The following NOL4 variants were observed in gnomAD, a reference collection of about 807,000 sequenced individuals.
NOL4 encodes the protein cancer/testis antigen 125.
In NOL4, 17 loss-of-function variants were observed where a neutral mutation model predicts 75.9. The ratio of observed to expected loss-of-function variants is 0.22; its 90% CI spans 0.15 to 0.34. NOL4 has a LOEUF of 0.34. Ranked by LOEUF, NOL4 falls within the 10% of genes least tolerant of loss-of-function variation. NOL4 has a pLI of 1.00. For missense variants in NOL4, 614 were observed against 793.5 expected, an observed-to-expected ratio of 0.77 and a Z score of 2.72; for synonymous variants, 292 against 289.9, an observed-to-expected ratio of 1.01 and a Z score of -0.07.
At chr18:34,189,409 G>A (rs941660013) in intron 1 of NOL4, among the ~76,000 whole-genome samples, 3 of 151,978 alleles carry the variant, frequency 2.0e-5, no homozygotes, top group East Asian at 3.9e-4. Flanking sequence ...GCCGTGCTGG[G>A]GACCAAATTT....
chr18:34,046,618 A>ATACATATATATATATATATATATATG (rs2076383861), intron 5 of NOL4, among the ~76,000 whole-genome samples: 1 of 114,416 alleles, frequency 8.7e-6, no homozygotes, highest in Non-Finnish European at 2.0e-5. Context: ...ATATATATAT[A>ATACATATATATATATATATATATATG]TATATATATA....
intron 5 of NOL4, among the ~76,000 whole-genome samples, chr18:34,064,418 TACA>T (rs2077184336): frequency 6.6e-6 from 1 of 151,990 alleles, no homozygotes; most frequent in Admixed American, 6.6e-5. Flanking sequence ...CCACATTTAC[TACA>T]ACATTATAAA....
intron 6 of NOL4, among the ~76,000 whole-genome samples, chr18:33,965,127 T>G (rs1226518690): frequency 6.6e-6 from 1 of 152,150 alleles, no homozygotes; most frequent in Non-Finnish European, 1.5e-5. Flanking sequence ...ATATCCACAC[T>G]TGTTAGAGAT....
chr18:34,148,829 T>TTA (rs757875716), intron 1 of NOL4, among the ~76,000 whole-genome samples: 6 of 152,008 alleles, frequency 3.9e-5, no homozygotes, highest in East Asian at 3.8e-4. Flanking sequence ...TCTCCAACTA[T>TTA]TATTGTGTGG....
chr18:34,043,015 T>C lies in NOL4; in HGVS notation c.773-23414A>G, dbSNP rs191361640. 8.5e-5 allele frequency among the ~76,000 whole-genome samples: 13 copies of C among 152,194 alleles called. No homozygotes were observed. In the East Asian group the frequency reaches 1.2e-3, roughly 14 times the overall value. Reference sequence around the variant, plus strand: ...CTTATAAGGAGAACAGGGGTAGCTGTAGGATTTACATTACAGTACATGTGT... The same window carrying C: ...CTTATAAGGAGAACAGGGGTAGCTGCAGGATTTACATTACAGTACATGTGT... On this transcript the variant is annotated intron_variant, in intron 5 of 10. Coordinates refer to ENST00000261592, the MANE Select transcript of NOL4 (RefSeq NM_003787.5).
intron 6 of NOL4, among the ~76,000 whole-genome samples, chr18:33,969,643 A>G (rs1396889358): frequency 6.6e-6 from 1 of 151,934 alleles, no homozygotes; most frequent in African/African-American, 2.4e-5. Context: ...TATCTGGTTT[A>G]CTCATTTACC....
At chr18:33,905,996 C>A (rs1289131058) in intron 9 of NOL4, among the ~76,000 whole-genome samples, 1 of 152,198 alleles carries the variant, frequency 6.6e-6, no homozygotes, top group Non-Finnish European at 1.5e-5. Context: ...CCTAGCATGA[C>A]TAACTCCATT....
At chr18:34,068,448 G>A (rs898934239) in intron 5 of NOL4, among the ~76,000 whole-genome samples, 3 of 151,916 alleles carry the variant, frequency 2.0e-5, no homozygotes, top group Admixed American at 6.6e-5. Flanking sequence ...TCGCCAGGCT[G>A]GAGTGCAGTG....
At chr18:33,882,125 C>T (rs2064323337) in intron 10 of NOL4, among the ~76,000 whole-genome samples, 1 of 152,154 alleles carries the variant, frequency 6.6e-6, no homozygotes, top group South Asian at 2.1e-4. Flanking sequence ...TAGGCATTAC[C>T]ATTCAGGACA....
At chr18:33,974,188 G>A (rs2071308894) in intron 6 of NOL4, among the ~76,000 whole-genome samples, 3 of 152,092 alleles carry the variant, frequency 2.0e-5, no homozygotes, top group African/African-American at 7.2e-5. Context: ...TTCTGGTGAA[G>A]GCCTCTTTCC....
chr18:33,854,004 C>T (rs959116633), intron 10 of NOL4, among the ~76,000 whole-genome samples: 21 of 152,064 alleles, frequency 1.4e-4, no homozygotes, highest in African/African-American at 4.8e-4. Context: ...TAAGCATTTA[C>T]TGTAGTTATT....
chr18:33,993,336 A>T (rs1432580339), intron 6 of NOL4, among the ~76,000 whole-genome samples: 2 of 151,976 alleles, frequency 1.3e-5, no homozygotes, highest in Non-Finnish European at 2.9e-5. Context: ...ATCCAGGGTG[A>T]GTGTGGGCAT....
chr18:34,123,705 TAGAG>T (rs199563562), intron 2 of NOL4, among the ~76,000 whole-genome samples: 3,789 of 148,986 alleles, frequency 0.025, 77 homozygotes, highest in Non-Finnish European at 0.034. Flanking sequence ...TATGTATATA[TAGAG>T]AGATAGATGG....
intron 9 of NOL4, among the ~76,000 whole-genome samples, chr18:33,914,835 A>T (rs1489142111): frequency 6.6e-6 from 1 of 152,102 alleles, no homozygotes; most frequent in Non-Finnish European, 1.5e-5. Context: ...TACTCCATTT[A>T]ACATCCATCC....
At chr18:34,158,654 G>A (rs1209830736) in intron 1 of NOL4, 1 of 152,188 alleles carries the variant, frequency 6.6e-6, no homozygotes, top group Non-Finnish European at 1.5e-5. Context: ...TTTCAGGGGT[G>A]CTTAGCAGCA....
intron 6 of NOL4, among the ~76,000 whole-genome samples, chr18:33,988,008 C>A (rs2072600205): frequency 1.3e-5 from 2 of 152,104 alleles, no homozygotes; most frequent in Non-Finnish European, 2.9e-5. Context: ...AGAAACTCGT[C>A]ATTTCCTGCC....
chr18:33,945,087 A>G (rs570293983), intron 8 of NOL4, among the ~76,000 whole-genome samples: 5 of 152,078 alleles, frequency 3.3e-5, no homozygotes, highest in Admixed American at 1.3e-4. Context: ...CATTATTCAA[A>G]TAGGAGTGAG....
At chr18:34,207,762 T>C (rs2036222727) in intron 1 of NOL4, among the ~76,000 whole-genome samples, 1 of 152,136 alleles carries the variant, frequency 6.6e-6, no homozygotes. Flanking sequence ...TCCAGGAACA[T>C]GTAGCCCTGA....
chr18:33,876,071 A>G (rs1446891826), intron 10 of NOL4, among the ~76,000 whole-genome samples: 2 of 152,034 alleles, frequency 1.3e-5, no homozygotes, highest in Non-Finnish European at 2.9e-5. Context: ...GATGTCATTG[A>G]TTCTGCCTTA....
Sources: allele counts gnomAD v4.1 joint callset (sites outside exome capture counted in the v4.1 genomes callset), GRCh38; gene constraint gnomAD v4.1.1; transcripts MANE v1.5; gene names NCBI Gene and HGNC (gene_info 2026-07-23, HGNC 2026-07-21).